The following ERBB4 variants were observed in gnomAD, a reference collection of about 807,000 sequenced individuals.
ERBB4 encodes erb-b2 receptor tyrosine kinase 4, also known as receptor tyrosine-protein kinase erbB-4.
A neutral mutation model predicts 158.0 loss-of-function variants in ERBB4; 42 were observed. That is an observed-to-expected ratio of 0.27 (90% CI 0.21 to 0.34). The LOEUF (loss-of-function observed/expected upper bound fraction) is 0.34, where lower values mean the gene tolerates loss of function less well. Ranked by LOEUF, ERBB4 falls within the 10% of genes least tolerant of loss-of-function variation. The pLI, the probability that ERBB4 is intolerant of heterozygous loss-of-function variation, is 1.00. For synonymous variants in ERBB4, 583 were observed against 558.7 expected (o/e 1.04, Z -0.61); for missense variants, 1,333 against 1,624.1 (o/e 0.82, Z 3.08).
chr2:211,673,324 A>G (rs1300572141), intron 13 of ERBB4, 67 bp from the exon 14 acceptor site: 18 of 1,129,796 alleles, frequency 1.6e-5, no homozygotes, highest in Non-Finnish European at 2.3e-5. Context: ...ATGAAGTAAC[A>G]TCTGCTAAAA....
At chr2:211,601,026 A>T (rs2125813357) in intron 19 of ERBB4, among the ~76,000 whole-genome samples, 1 of 152,320 alleles carries the variant, frequency 6.6e-6, no homozygotes, top group South Asian at 2.1e-4. Context: ...AAACAGAAAG[A>T]AAAGAACCCT....
intron 17 of ERBB4, among the ~76,000 whole-genome samples, chr2:211,627,895 T>A (rs1032091681): frequency 2.0e-5 from 3 of 150,518 alleles, no homozygotes; most frequent in Admixed American, 2.0e-4. Context: ...TAAAAGACAT[T>A]ATAATCATTC....
intron 1 of ERBB4, among the ~76,000 whole-genome samples, chr2:212,446,152 G>A (rs2092343596): frequency 6.6e-6 from 1 of 152,022 alleles, no homozygotes; most frequent in African/African-American, 2.4e-5. Context: ...GATATCATGT[G>A]TGATCTCAGC....
intron 3 of ERBB4, among the ~76,000 whole-genome samples, chr2:211,863,320 A>G (rs1454913515): frequency 6.6e-6 from 1 of 152,234 alleles, no homozygotes; most frequent in Non-Finnish European, 1.5e-5. Context: ...ACCAATCAGC[A>G]GGACATGAGC....
At chr2:212,436,140 T>C (rs978349041) in intron 1 of ERBB4, among the ~76,000 whole-genome samples, 43 of 151,904 alleles carry the variant, frequency 2.8e-4, no homozygotes, top group African/African-American at 9.4e-4. Context: ...AATGAGTACA[T>C]GTAATCTCTA....
chr2:211,383,986 G>A lies in ERBB4; in HGVS notation c.3556C>T (p.Pro1186Ser), dbSNP rs2062630415. Residue 1186 changes from proline (P) to serine (S), a missense_variant, in exon 28 of 28, where the codon CCC becomes TCC. By Grantham distance (74) the Pro-to-Ser change is moderately conservative (BLOSUM62 -1). This residue lies in a region of ERBB4 where 252 missense variants were observed against 241.3 expected (regional missense o/e 1.04). Coordinates refer to ENST00000342788, the MANE Select transcript of ERBB4 (RefSeq NM_005235.3). ...KNGDLQALDNPEYHNASNGPP... is the reference protein window; with the variant it reads ...KNGDLQALDNSEYHNASNGPP... Reference sequence around the variant, plus strand: ...CCATTGGATGCATTGTGATATTCGGGATTATCCAATGCTTGAAGGTCTCCA... The same window carrying A: ...CCATTGGATGCATTGTGATATTCGGAATTATCCAATGCTTGAAGGTCTCCA... 1 of 1,613,780 alleles carries A rather than the reference G, an allele frequency of 6.2e-7. No individual in the cohort carries two copies. The highest frequency in any genetic ancestry group is 1.1e-5 in the South Asian group (1 of 91,060).
At chr2:211,937,997 C>A (rs2080375865) in intron 3 of ERBB4, among the ~76,000 whole-genome samples, 1 of 152,064 alleles carries the variant, frequency 6.6e-6, no homozygotes. Context: ...TATTTAGAAG[C>A]AATGCATGCC....
At chr2:212,525,980 A>G (rs919060734) in intron 1 of ERBB4, among the ~76,000 whole-genome samples, 7 of 152,048 alleles carry the variant, frequency 4.6e-5, no homozygotes, top group African/African-American at 1.7e-4. Context: ...TTTGACATAC[A>G]GGTATTTTAT....
intron 2 of ERBB4, among the ~76,000 whole-genome samples, chr2:212,102,166 C>T (rs934811646): frequency 1.4e-5 from 2 of 141,682 alleles, no homozygotes; most frequent in Non-Finnish European, 3.1e-5. Context: ...AAAAATGTAT[C>T]TTTTTTCTTT....
intron 22 of ERBB4, among the ~76,000 whole-genome samples, 162 bp downstream of exon 22, chr2:211,428,246 T>C (rs1488577669): frequency 1.9e-5 from 2 of 106,636 alleles, no homozygotes; most frequent in African/African-American, 6.5e-5. Flanking sequence ...ATAAAATATT[T>C]TTTTTTCATT....
intron 3 of ERBB4, among the ~76,000 whole-genome samples, chr2:211,937,845 C>T (rs1008756315): frequency 2.0e-5 from 3 of 152,070 alleles, no homozygotes; most frequent in Non-Finnish European, 2.9e-5. Flanking sequence ...GGGAACACAG[C>T]CAAACCATAT....
chr2:212,214,021 G>A (rs1032893356), intron 1 of ERBB4, among the ~76,000 whole-genome samples: 1 of 151,726 alleles, frequency 6.6e-6, no homozygotes, highest in Admixed American at 6.6e-5. Flanking sequence ...CTACAGTTGA[G>A]GTATTCAGAA....
intron 20 of ERBB4, among the ~76,000 whole-genome samples, chr2:211,485,569 T>G (rs544721886): frequency 3.3e-5 from 5 of 152,242 alleles, no homozygotes; most frequent in South Asian, 2.1e-4. Context: ...AAGCCACTAT[T>G]GTGAAACTTA....
intron 20 of ERBB4, among the ~76,000 whole-genome samples, chr2:211,475,292 T>C (rs1441918572): frequency 1.3e-5 from 2 of 152,086 alleles, no homozygotes; most frequent in Non-Finnish European, 2.9e-5. Context: ...TTGCATTCAG[T>C]ATTGTTATAA....
At chr2:211,584,056 A>ACT (rs2068187929) in intron 19 of ERBB4, among the ~76,000 whole-genome samples, 1 of 149,010 alleles carries the variant, frequency 6.7e-6, no homozygotes, top group African/African-American at 2.5e-5. Flanking sequence ...TTAATTTTAA[A>ACT]GTAATTGCAA....
intron 1 of ERBB4, among the ~76,000 whole-genome samples, chr2:212,135,301 A>C (rs2080238435): frequency 2.0e-5 from 3 of 152,148 alleles, no homozygotes; most frequent in African/African-American, 7.2e-5. Flanking sequence ...AAAATTATAC[A>C]TGATTGTCTT....
chr2:211,823,668 T>A (rs1288391045), intron 3 of ERBB4, among the ~76,000 whole-genome samples: 2 of 152,026 alleles, frequency 1.3e-5, no homozygotes, highest in African/African-American at 4.8e-5. Context: ...CAAATTCATA[T>A]TTCTACTGCA....
intron 2 of ERBB4, among the ~76,000 whole-genome samples, chr2:211,965,221 C>T (rs915210091): frequency 6.6e-6 from 1 of 152,126 alleles, no homozygotes; most frequent in Non-Finnish European, 1.5e-5. Context: ...AAATATTATG[C>T]TTTTTGATAT....
At chr2:212,278,796 AG>A (rs765682665) in intron 1 of ERBB4, among the ~76,000 whole-genome samples, 49 of 151,810 alleles carry the variant, frequency 3.2e-4, no homozygotes, top group Non-Finnish European at 5.5e-4. Context: ...TTGAAAGAAA[AG>A]GTTAACTTGC....
Sources: allele counts gnomAD v4.1 joint callset (sites outside exome capture counted in the v4.1 genomes callset), GRCh38; gene constraint gnomAD v4.1.1; regional missense constraint gnomAD v4.1.1; transcripts MANE v1.5; gene names NCBI Gene and HGNC (gene_info 2026-07-23, HGNC 2026-07-21).